Variants in MOSMO observed in about 807,000 individuals in gnomAD.
MOSMO encodes modulator of smoothened.
MOSMO carries 5 observed loss-of-function variants against 18.4 expected under a neutral mutation model. The ratio of observed to expected loss-of-function variants is 0.27; its 90% CI spans 0.14 to 0.57. MOSMO has a LOEUF of 0.57. Among genes scored for constraint, MOSMO ranks in the 20% least tolerant of loss-of-function variants. The pLI is 0.92. For missense variants in MOSMO, 138 were observed against 211.8 expected, an observed-to-expected ratio of 0.65 and a Z score of 2.16; for synonymous variants, 82 against 82.3, an observed-to-expected ratio of 1.00 and a Z score of 0.02.
At chr16:22,074,920 C>T (rs1180760406) in intron 1 of MOSMO, among the ~76,000 whole-genome samples, 8 of 152,158 alleles carry the variant, frequency 5.3e-5, no homozygotes, top group Admixed American at 3.3e-4. Context: ...TGGAAAACTA[C>T]TTATACTGTA....
intron 1 of MOSMO, among the ~76,000 whole-genome samples, chr16:22,049,829 T>C (rs1169677853): frequency 6.6e-6 from 1 of 152,232 alleles, no homozygotes; most frequent in African/African-American, 2.4e-5. Flanking sequence ...GCCAGTTACC[T>C]AAAACAGTTT....
intron 1 of MOSMO, among the ~76,000 whole-genome samples, chr16:22,022,488 G>A (rs564072757): frequency 1.3e-5 from 2 of 152,310 alleles, no homozygotes; most frequent in South Asian, 4.1e-4. Flanking sequence ...GATTTTTCAA[G>A]TGTGATGACA....
At chr16:22,056,070 T>C (rs1900526708) in intron 1 of MOSMO, among the ~76,000 whole-genome samples, 1 of 152,148 alleles carries the variant, frequency 6.6e-6, no homozygotes, top group Non-Finnish European at 1.5e-5. Context: ...GGGACTAATA[T>C]GGGCCGGCAG....
At chr16:22,063,813 T>G (rs2141763530) in intron 1 of MOSMO, among the ~76,000 whole-genome samples, 1 of 152,322 alleles carries the variant, frequency 6.6e-6, no homozygotes, top group Middle Eastern at 3.4e-3. Context: ...GCACTATCAC[T>G]GTGCTTACAA....
chr16:22,011,932 TAAAA>T (rs535652740), intron 1 of MOSMO, among the ~76,000 whole-genome samples: 4 of 120,564 alleles, frequency 3.3e-5, no homozygotes, highest in African/African-American at 6.3e-5. Context: ...AGTCCTGAGT[TAAAA>T]AAAAAAAAAA....
chr16:22,043,969 G>A (rs544769085), intron 1 of MOSMO, among the ~76,000 whole-genome samples: 19 of 152,208 alleles, frequency 1.2e-4, no homozygotes, highest in Admixed American at 4.6e-4. Flanking sequence ...AAGGTGAAAG[G>A]CCTGTCTTAC....
intron 1 of MOSMO, among the ~76,000 whole-genome samples, chr16:22,048,127 G>C (rs1032373015): frequency 3.3e-5 from 5 of 152,174 alleles, no homozygotes; most frequent in African/African-American, 1.2e-4. Flanking sequence ...GTGTAGGACT[G>C]TGTAGCATAG....
intron 1 of MOSMO, among the ~76,000 whole-genome samples, chr16:22,039,201 A>G (rs1900165478): frequency 6.6e-6 from 1 of 152,236 alleles, no homozygotes; most frequent in South Asian, 2.1e-4. Context: ...TAAATGGACA[A>G]GTGAACTCCT....
intron 1 of MOSMO, among the ~76,000 whole-genome samples, chr16:22,063,987 G>A (rs117590999): frequency 1.2e-3 from 177 of 152,260 alleles, no homozygotes; most frequent in Non-Finnish European, 2.0e-3. Flanking sequence ...TAGTCTCAGC[G>A]CTGCTAATTA....
chr16:22,060,435 T>C lies in MOSMO; in HGVS notation c.107-15052T>C, dbSNP rs192351781. ...ACATATGTTCTATATCATTAAACAT[T>C]AGGGAAATAAAACCACAGTAAGAGA... On this transcript the variant is annotated intron_variant, in intron 1 of 2. Transcript: ENST00000542527. Among the ~76,000 whole-genome samples the C allele has an allele frequency of 4.0e-3, 604 of 152,296 alleles. 2 individuals are homozygous for C. The highest frequency in any genetic ancestry group is 7.1e-3 in the Non-Finnish European group (480 of 68,032).
chr16:22,012,428 C>T (rs139077363), intron 1 of MOSMO, among the ~76,000 whole-genome samples: 195 of 152,222 alleles, frequency 1.3e-3, no homozygotes, highest in African/African-American at 4.6e-3. Flanking sequence ...TAGAACAGTA[C>T]CTGACACACA....
At chr16:22,063,688 A>G (rs1261273094) in intron 1 of MOSMO, among the ~76,000 whole-genome samples, 2 of 152,190 alleles carry the variant, frequency 1.3e-5, no homozygotes, top group African/African-American at 4.8e-5. Flanking sequence ...AAGAGGTTAC[A>G]TTTTATAAGG....
At chr16:22,072,447 G>A (rs1598024505) in intron 1 of MOSMO, among the ~76,000 whole-genome samples, 1 of 152,186 alleles carries the variant, frequency 6.6e-6, no homozygotes. Context: ...TATTTTTACT[G>A]AATGTGTGAG....
chr16:22,092,350 A>G (rs2141807656), downstream of MOSMO: 1 of 363,630 alleles, frequency 2.8e-6, no homozygotes, highest in Middle Eastern at 8.7e-4. Flanking sequence ...AGAGGTCTAA[A>G]TCCTGCTTCC....
chr16:22,009,178 G>A (rs1004946197), intron 1 of MOSMO, among the ~76,000 whole-genome samples: 23 of 152,250 alleles, frequency 1.5e-4, no homozygotes, highest in Admixed American at 1.4e-3. Context: ...TTTTAGGCCC[G>A]GGAGCTATAA....
intron 1 of MOSMO, among the ~76,000 whole-genome samples, chr16:22,042,737 A>G (rs1388359156): frequency 6.6e-6 from 1 of 152,194 alleles, no homozygotes; most frequent in Non-Finnish European, 1.5e-5. Flanking sequence ...AAGGAAACCA[A>G]CCTGCTGAGT....
In MOSMO at chr16:22,008,423, G is replaced by C; in HGVS notation, c.106+16G>C. 6.6e-7 allele frequency: 1 copy of C among 1,512,866 alleles called. No homozygotes were observed. The highest frequency in any genetic ancestry group is 8.9e-7 in the Non-Finnish European group (1 of 1,128,202). 93.7% of individuals were successfully genotyped at this position (1,512,866 alleles called of 1,614,324 possible). On this transcript the variant is annotated intron_variant, in intron 1 of 2. Coordinates refer to ENST00000542527, the MANE Select transcript of MOSMO (RefSeq NM_001164579.2). ...GAGTCTGCGGGTGAGCCGCTGGCGC[G>C]CCGGGCCGGGCGGGGGATTGGCTGA...
At chr16:22,067,684 G>A (rs2141769077) in intron 1 of MOSMO, among the ~76,000 whole-genome samples, 1 of 152,142 alleles carries the variant, frequency 6.6e-6, no homozygotes, top group East Asian at 1.9e-4. Flanking sequence ...ACATGGTGAA[G>A]CATGTTGTTT....
intron 1 of MOSMO, among the ~76,000 whole-genome samples, chr16:22,052,190 G>A (rs1900441033): frequency 6.6e-6 from 1 of 152,084 alleles, no homozygotes; most frequent in Non-Finnish European, 1.5e-5. Flanking sequence ...TCCATTAAAG[G>A]GAAATATTGG....
Sources: allele counts gnomAD v4.1 joint callset (sites outside exome capture counted in the v4.1 genomes callset), GRCh38; gene constraint gnomAD v4.1.1; transcripts MANE v1.5; gene names NCBI Gene and HGNC (gene_info 2026-07-23, HGNC 2026-07-21).